Variants in RBM5 observed in about 807,000 individuals in gnomAD.
RBM5 encodes RNA binding motif protein 5.
In RBM5, 15 loss-of-function variants were observed where a neutral mutation model predicts 124.6. That is an observed-to-expected ratio of 0.12 (90% CI 0.08 to 0.19). RBM5 has a LOEUF of 0.19. Among genes scored for constraint, RBM5 ranks in the 10% least tolerant of loss-of-function variants. RBM5 has a pLI of 1.00. For synonymous variants in RBM5, 337 were observed against 361.2 expected, an observed-to-expected ratio of 0.93 and a Z score of 0.76; for missense variants, 580 against 1,026.5, an observed-to-expected ratio of 0.57 and a Z score of 5.94.
At chr3:50,098,106 T>TA (rs1312803448) in intron 4 of RBM5, among the ~76,000 whole-genome samples, 2 of 151,950 alleles carry the variant, frequency 1.3e-5, no homozygotes, top group Non-Finnish European at 2.9e-5. Flanking sequence ...CAAAAAAATT[T>TA]AAAAAAAAGT....
intron 7 of RBM5, among the ~76,000 whole-genome samples, chr3:50,103,872 C>CCCCTGT (rs1292559573): frequency 2.6e-5 from 4 of 152,132 alleles, no homozygotes; most frequent in Non-Finnish European, 1.5e-5. Flanking sequence ...CAAACTGTGT[C>CCCCTGT]CCCTGTCCAG....
At chr3:50,098,732 A>G (rs6808044) in intron 4 of RBM5, among the ~76,000 whole-genome samples, 98,670 of 151,848 alleles carry the variant, frequency 0.65, 32,626 homozygotes, top group East Asian at 0.88. Context: ...GTGAGCCACT[A>G]TGCGAGGCCT....
chr3:50,091,867 G>A, intron 2 of RBM5, 176 bp from the exon 3 acceptor site: 1 of 684,724 alleles, frequency 1.5e-6, no homozygotes, highest in Non-Finnish European at 2.6e-6. Context: ...ATTTAGGGAT[G>A]TAGGTATTTT....
Position 50,090,237 on chromosome 3 carries a change from TC to T in RBM5, c.-53-141del, listed in dbSNP as rs149286983. 1,786 of 559,230 alleles carry T rather than the reference TC, an allele frequency of 3.2e-3. 47 individuals are homozygous for T. In the East Asian group the frequency reaches 0.047, roughly 15 times the overall value. 34.6% of individuals were successfully genotyped at this position (559,230 alleles called of 1,614,324 possible). On this transcript the variant is annotated intron_variant, in intron 1 of 24. Coordinates refer to ENST00000347869, the MANE Select transcript of RBM5 (RefSeq NM_005778.4). The stretch of plus-strand genomic sequence containing the variant: ...GCACGATTTTAACGTTGACAGTTTG[TC>T]CCCACCACTTCCCCACCTTAGATAA...
At position 50,114,540 on chromosome 3, in the gene RBM5, A is replaced by G. The variant is rs1575336614; in HGVS notation, c.1839+289A>G. On this transcript the variant is annotated intron_variant, in intron 20 of 24. Transcript: ENST00000347869. ...TGGTCTGGAAAGAGAAAATTAAGACAAGAAAAAGCTTGTTTTACTAGATAG... is the reference window on the plus strand; with the variant it reads ...TGGTCTGGAAAGAGAAAATTAAGACGAGAAAAAGCTTGTTTTACTAGATAG... The G allele has an allele frequency of 4.8e-5, 18 of 373,818 alleles. No homozygotes were observed. The East Asian group carries it at 9.0e-4, about 19-fold the overall frequency. The allele number at this position is 373,818 out of a possible 1,614,324, so 23.2% of individuals were successfully genotyped here.
At chr3:50,092,809 G>A (rs2090727746) in intron 3 of RBM5, 1 of 433,680 alleles carries the variant, frequency 2.3e-6, no homozygotes, top group Non-Finnish European at 4.7e-6. Context: ...AACAATTTGG[G>A]AGGCCGAGGC....
chr3:50,098,200 T>C (rs1207910407), intron 4 of RBM5, among the ~76,000 whole-genome samples: 1 of 152,210 alleles, frequency 6.6e-6, no homozygotes, highest in Non-Finnish European at 1.5e-5. Context: ...AGGCTATTCT[T>C]GATTAGGCGT....
At position 50,099,935 on chromosome 3, in the gene RBM5, G is replaced by C. The variant is rs528624595; in HGVS notation, c.340-47G>C. On this transcript the variant is annotated intron_variant, in intron 4 of 24. Coordinates refer to ENST00000347869, the MANE Select transcript of RBM5 (RefSeq NM_005778.4). ...TGTAATTCCTATTCCATGGGGAATA[G>C]TGTGTGGCAAAAGCTTTAACTGTAA... The C allele has an allele frequency of 2.6e-6, 4 of 1,547,598 alleles. No individual in the cohort carries two copies. In the African/African-American group the frequency reaches 4.1e-5, roughly 16 times the overall value.
chr3:50,097,521 G>A (rs954348922), intron 4 of RBM5, among the ~76,000 whole-genome samples: 36 of 152,190 alleles, frequency 2.4e-4, no homozygotes, highest in African/African-American at 8.2e-4. Flanking sequence ...TGCAGCCGTT[G>A]CACCTAGTTA....
intron 4 of RBM5, among the ~76,000 whole-genome samples, chr3:50,094,639 C>G (rs2090773921): frequency 1.3e-5 from 2 of 152,096 alleles, no homozygotes; most frequent in Non-Finnish European, 2.9e-5. Context: ...GCCACCACAC[C>G]CAGCTAATTT....
rs201730071 is a variant in RBM5, at chr3:50,109,707, A to G, written c.1278+19A>G. The G allele has an allele frequency of 1.3e-4, 211 of 1,599,662 alleles. No homozygotes were observed. Among genetic ancestry groups the G allele is most frequent in the Admixed American group, 2.0e-4 (12 of 59,880 alleles). ...CTCTCCGGTAATCCTGTTGTCCTAT[A>G]TACAAAACTCGTGGCTGATGGGGAA... On this transcript the variant is annotated intron_variant, in intron 15 of 24. Coordinates refer to ENST00000347869, the MANE Select transcript of RBM5 (RefSeq NM_005778.4).
At chr3:50,111,035 A>G (rs2091134426) in intron 17 of RBM5, 1 of 454,908 alleles carries the variant, frequency 2.2e-6, no homozygotes, top group Non-Finnish European at 3.9e-6. Flanking sequence ...ATGTCTATAC[A>G]TTTGTATATT....
At chr3:50,102,996 A>G (rs907799781) in intron 6 of RBM5, 87 bp from the exon 7 acceptor site, 3 of 1,037,524 alleles carry the variant, frequency 2.9e-6, no homozygotes, top group South Asian at 2.6e-5. Flanking sequence ...ATTCCAGAGC[A>G]CTGATTTTTC....
Position 50,108,247 on chromosome 3 carries a change from C to A in RBM5, c.1135C>A (p.Gln379Lys). The change falls in exon 14 of 25, where the codon CAG becomes AAG. Residue 379 changes from glutamine (Q) to lysine (K), a missense_variant. By Grantham distance (53) the Gln-to-Lys change is moderately conservative (BLOSUM62 1). This residue lies in a region of RBM5 where 104 missense variants were observed against 128.7 expected (regional missense o/e 0.81). Coordinates refer to ENST00000347869, the MANE Select transcript of RBM5 (RefSeq NM_005778.4). ...TTTTCTTCAGTATTCACAGGATTAT[C>A]AGCAGTTTTATCAACAACAAGCTGG... ...AQYAQYSQDY[Q>K]QFYQQQAGGL... 2.5e-6 allele frequency: 4 copies of A among 1,613,226 alleles called. No homozygotes were observed. The highest frequency in any genetic ancestry group is 3.4e-6 in the Non-Finnish European group (4 of 1,179,206).
chr3:50,117,453 T>C lies in RBM5; in HGVS notation c.2322+74T>C. Reference sequence around the variant, plus strand: ...TCCAGAGATGAGATCAGAGCACTCATAGAGCCTGGGAGCCAGGAGCAGCTT... The same window carrying C: ...TCCAGAGATGAGATCAGAGCACTCACAGAGCCTGGGAGCCAGGAGCAGCTT... On this transcript the variant is annotated intron_variant, in intron 24 of 24. Transcript: ENST00000347869. This position sits in a 1 kb window ranked among gnomAD's most constrained non-coding sequence, Gnocchi z 4.2. 1 of 1,585,694 alleles carries C rather than the reference T, an allele frequency of 6.3e-7. No homozygotes were observed. The highest frequency in any genetic ancestry group is 8.6e-7 in the Non-Finnish European group (1 of 1,162,872).
chr3:50,107,098 C>T (rs1205484761), intron 11 of RBM5: 1 of 680,288 alleles, frequency 1.5e-6, no homozygotes, highest in Non-Finnish European at 2.7e-6. Context: ...GCAAGTATGG[C>T]AGATGGGTTG....
chr3:50,098,787 C>G (rs752246558), intron 4 of RBM5, among the ~76,000 whole-genome samples: 2 of 152,114 alleles, frequency 1.3e-5, no homozygotes, highest in South Asian at 2.1e-4. Flanking sequence ...ACTGTGTTCC[C>G]CAGGCTGGTC....
In RBM5 at chr3:50,113,935, G is replaced by T; in HGVS notation, c.1618-15G>T. 2 of 1,607,368 alleles carry T rather than the reference G, an allele frequency of 1.2e-6. No individual in the cohort carries two copies. The highest frequency in any genetic ancestry group is 1.7e-4 in the Middle Eastern group (1 of 5,998). On this transcript the variant is annotated splice_polypyrimidine_tract_variant and intron_variant, in intron 18 of 24. Coordinates refer to ENST00000347869, the MANE Select transcript of RBM5 (RefSeq NM_005778.4). ...ATTAAATATTTTTTTGTTGGTGTTT[G>T]TTGTTTGACATTAGATTGCCAAAGA...
chr3:50,103,910 C>G (rs1194860920), intron 7 of RBM5, among the ~76,000 whole-genome samples: 1 of 152,124 alleles, frequency 6.6e-6, no homozygotes, highest in Non-Finnish European at 1.5e-5. Flanking sequence ...GTTAGTTTAC[C>G]TTGTGTTTGT....
Sources: gnomAD v4.1 joint callset for allele counts (sites outside exome capture counted in the v4.1 genomes callset) on GRCh38, gnomAD v4.1.1 for gene constraint, gnomAD v4.1.1 regional missense constraint, Gnocchi (gnomAD v3.1) non-coding constraint, MANE v1.5 for transcripts, NCBI Gene and HGNC (gene_info 2026-07-23, HGNC 2026-07-21) for gene names.